WDPCP: variants seen among roughly 807,000 people sequenced by gnomAD.
WDPCP encodes WD repeat containing planar cell polarity effector, also known as WD repeat-containing and planar cell polarity effector protein fritz homolog.
A neutral mutation model predicts 93.1 loss-of-function variants in WDPCP; 71 were observed. That is an observed-to-expected ratio of 0.76 (90% confidence interval 0.63 to 0.93). WDPCP has a LOEUF of 0.93. Among genes scored for constraint, WDPCP ranks in the 40% least tolerant of loss-of-function variants. The pLI is 0.00. For missense variants in WDPCP, 844 were observed against 887.4 expected, an observed-to-expected ratio of 0.95 and a Z score of 0.62; for synonymous variants, 315 against 315.0, an observed-to-expected ratio of 1.00 and a Z score of 0.00.
chr2:63,362,580 C>G (rs970200825), intron 12 of WDPCP, among the ~76,000 whole-genome samples: 1 of 151,840 alleles, frequency 6.6e-6, no homozygotes, highest in Non-Finnish European at 1.5e-5. Context: ...CTAAGGTGTT[C>G]CCATAGATTT....
chr2:63,814,390 C>T (rs928967124), intron 1 of WDPCP, among the ~76,000 whole-genome samples: 2 of 151,928 alleles, frequency 1.3e-5, no homozygotes, highest in Admixed American at 6.6e-5. Flanking sequence ...GTCATATCTC[C>T]TGCTTCCTAC....
At chr2:63,487,243 T>C (rs1700625284) in intron 3 of WDPCP, among the ~76,000 whole-genome samples, 1 of 152,030 alleles carries the variant, frequency 6.6e-6, no homozygotes, top group Admixed American at 6.6e-5. Flanking sequence ...TTCATGTCTT[T>C]CTACAGCATT....
chr2:63,193,743 T>A (rs566580678), intron 14 of WDPCP, among the ~76,000 whole-genome samples: 12 of 152,290 alleles, frequency 7.9e-5, no homozygotes, highest in East Asian at 3.9e-4. Flanking sequence ...TGATTTTTTT[T>A]AAAAAAGTAA....
At chr2:63,722,747 C>G (rs1160392935) in intron 2 of WDPCP, among the ~76,000 whole-genome samples, 22 of 139,756 alleles carry the variant, frequency 1.6e-4, no homozygotes, top group Middle Eastern at 4.2e-3. Flanking sequence ...GAAGTGAGGA[C>G]CCCCTCTGCC....
intron 2 of WDPCP, among the ~76,000 whole-genome samples, chr2:63,747,889 G>C (rs575437103): frequency 1.3e-5 from 2 of 152,002 alleles, no homozygotes; most frequent in East Asian, 1.9e-4. Flanking sequence ...TTATAATATA[G>C]AATCTTCTAG....
intron 6 of WDPCP, among the ~76,000 whole-genome samples, chr2:63,471,412 C>T (rs979773974): frequency 3.3e-5 from 5 of 152,158 alleles, no homozygotes; most frequent in African/African-American, 1.2e-4. Flanking sequence ...AGACGTGCTT[C>T]ATATGGCCAA....
chr2:63,643,376 T>C (rs1043054734), intron 3 of WDPCP: 4 of 366,102 alleles, frequency 1.1e-5, no homozygotes, highest in South Asian at 2.4e-5. Context: ...CTCTTGCCAA[T>C]AACAAAAATG....
At chr2:63,374,225 A>T (rs773712787) in intron 12 of WDPCP, among the ~76,000 whole-genome samples, 1 of 152,062 alleles carries the variant, frequency 6.6e-6, no homozygotes, top group Non-Finnish European at 1.5e-5. Flanking sequence ...CTCTGAGTAC[A>T]CAACCTTTGT....
At chr2:63,304,218 A>C (rs1386522407) in intron 13 of WDPCP, among the ~76,000 whole-genome samples, 1 of 152,248 alleles carries the variant, frequency 6.6e-6, no homozygotes, top group African/African-American at 2.4e-5. Flanking sequence ...TCACAATAGT[A>C]AAGTCATGGA....
intron 2 of WDPCP, among the ~76,000 whole-genome samples, chr2:63,762,136 G>C (rs1177891268): frequency 6.6e-6 from 1 of 152,176 alleles, no homozygotes; most frequent in Admixed American, 6.5e-5. Flanking sequence ...CCAAATCAGT[G>C]CAAATAGCCT....
intron 14 of WDPCP, among the ~76,000 whole-genome samples, chr2:63,178,097 T>C (rs1673954280): frequency 6.6e-6 from 1 of 152,206 alleles, no homozygotes; most frequent in South Asian, 2.1e-4. Context: ...ATTATCTTTT[T>C]ACTATGCCTA....
At chr2:63,231,787 A>T (rs1279449956) in intron 14 of WDPCP, among the ~76,000 whole-genome samples, 1 of 152,208 alleles carries the variant, frequency 6.6e-6, no homozygotes, top group Admixed American at 6.5e-5. Flanking sequence ...TGCCATCCCC[A>T]TCAAGCTACC....
rs1375700007 is a variant in WDPCP at position 63,433,818 on chromosome 2, G to A, written c.752C>T (p.Pro251Leu). Residue 251 changes from proline to leucine, a missense_variant, in exon 9 of 18, where the codon CCT becomes CTT. Coordinates refer to ENST00000272321, the MANE Select transcript of WDPCP (RefSeq NM_015910.7). ...CTTCTCAGAAGAAATGGGGGCCCAAGGCCAAGCATCATCGTTGACCAGTGG... is the reference window on the plus strand; with the variant it reads ...CTTCTCAGAAGAAATGGGGGCCCAAAGCCAAGCATCATCGTTGACCAGTGG... Reference protein sequence around the residue: ...WWPLVNDDAWPWAPISSEKDR... With the variant: ...WWPLVNDDAWLWAPISSEKDR... The A allele has an allele frequency of 1.2e-6, 2 of 1,613,942 alleles. No individual in the cohort carries two copies. The highest frequency in any genetic ancestry group is 1.7e-6 in the Non-Finnish European group (2 of 1,179,924).
intron 4 of WDPCP, among the ~76,000 whole-genome samples, chr2:63,485,664 C>T (rs1455233793): frequency 6.6e-6 from 1 of 151,300 alleles, no homozygotes; most frequent in Non-Finnish European, 1.5e-5. Flanking sequence ...GTCATGTTAG[C>T]CTAAAATAAA....
At chr2:63,627,459 T>C (rs1177294616) in intron 3 of WDPCP, among the ~76,000 whole-genome samples, 1 of 152,200 alleles carries the variant, frequency 6.6e-6, no homozygotes, top group African/African-American at 2.4e-5. Context: ...CTTTCAAGCC[T>C]GGAACCACAG....
chr2:63,792,669 T>C (rs764430669), intron 2 of WDPCP, among the ~76,000 whole-genome samples: 1 of 152,048 alleles, frequency 6.6e-6, no homozygotes, highest in Non-Finnish European at 1.5e-5. Context: ...AAATTGCAAG[T>C]AGTCTATCAA....
At chr2:63,802,411 T>C (rs544987657) in intron 2 of WDPCP, among the ~76,000 whole-genome samples, 10 of 146,774 alleles carry the variant, frequency 6.8e-5, no homozygotes, top group African/African-American at 2.5e-4. Context: ...AACCCATAGA[T>C]ACCAAACACC....
chr2:63,744,514 A>G (rs1486747820), intron 2 of WDPCP, among the ~76,000 whole-genome samples: 1 of 152,160 alleles, frequency 6.6e-6, no homozygotes, highest in African/African-American at 2.4e-5. Context: ...AGTCAGACCA[A>G]GGACACAGAA....
At chr2:63,540,263 C>T (rs537406942) in intron 1 of WDPCP, among the ~76,000 whole-genome samples, 2 of 152,194 alleles carry the variant, frequency 1.3e-5, no homozygotes, top group East Asian at 3.9e-4. Flanking sequence ...TATTTAAACT[C>T]ATATAAAGTC....
Sources: allele counts gnomAD v4.1 joint callset (sites outside exome capture counted in the v4.1 genomes callset), GRCh38; gene constraint gnomAD v4.1.1; transcripts MANE v1.5; gene names NCBI Gene and HGNC (gene_info 2026-07-23, HGNC 2026-07-21).